Variants in ARID5B observed in about 807,000 individuals in gnomAD.
The protein encoded by ARID5B is AT-rich interactive domain-containing protein 5B.
A neutral mutation model predicts 97.2 loss-of-function variants in ARID5B; 13 were observed. The observed-to-expected ratio is 0.13, with a 90% CI of 0.09 to 0.21. ARID5B has a LOEUF of 0.21. Among genes scored for constraint, ARID5B ranks in the 10% least tolerant of loss-of-function variants. The pLI, the probability that ARID5B is intolerant of heterozygous loss-of-function variation, is 1.00. For missense variants in ARID5B, 1,210 were observed against 1,465.3 expected, an observed-to-expected ratio of 0.83 and a Z score of 2.84; for synonymous variants, 556 against 570.3, an observed-to-expected ratio of 0.97 and a Z score of 0.36.
At chr10:62,004,366 T>C (rs1019712211) in intron 4 of ARID5B, among the ~76,000 whole-genome samples, 5 of 152,364 alleles carry the variant, frequency 3.3e-5, no homozygotes, top group African/African-American at 1.2e-4. Context: ...TGCTCTTTTC[T>C]TAGCACAAGA....
At chr10:62,077,248 A>T (rs898158705) in intron 8 of ARID5B, among the ~76,000 whole-genome samples, 4 of 152,236 alleles carry the variant, frequency 2.6e-5, no homozygotes, top group African/African-American at 9.6e-5. Context: ...AAATGCTCTG[A>T]TAACTTTCCA....
At chr10:62,007,181 C>A (rs374506842) in intron 4 of ARID5B, among the ~76,000 whole-genome samples, 1 of 152,124 alleles carries the variant, frequency 6.6e-6, no homozygotes, top group Admixed American at 6.5e-5. Flanking sequence ...AGTCTATGTT[C>A]GCTTGACTTA....
chr10:61,917,326 A>C (rs1843928138), intron 2 of ARID5B, among the ~76,000 whole-genome samples: 1 of 151,916 alleles, frequency 6.6e-6, no homozygotes, highest in Non-Finnish European at 1.5e-5. Flanking sequence ...CATTCTATTT[A>C]TTTATTTATT....
chr10:61,955,510 T>C (rs372956279), intron 3 of ARID5B, among the ~76,000 whole-genome samples: 1 of 152,308 alleles, frequency 6.6e-6, no homozygotes, highest in African/African-American at 2.4e-5. Flanking sequence ...CACACATGCA[T>C]TTAGGATAAT....
At chr10:61,907,204 A>G (rs1843721913) in intron 2 of ARID5B, among the ~76,000 whole-genome samples, 2 of 151,622 alleles carry the variant, frequency 1.3e-5, no homozygotes, top group African/African-American at 4.8e-5. Context: ...ATTTTAGTGC[A>G]GAAGTAAACT....
intron 3 of ARID5B, among the ~76,000 whole-genome samples, chr10:61,976,472 C>T (rs79872566): frequency 0.011 from 1,710 of 152,212 alleles, 17 homozygotes; most frequent in Non-Finnish European, 0.018. Context: ...TAATGAAGCA[C>T]AATGCCAAGG....
intron 2 of ARID5B, among the ~76,000 whole-genome samples, chr10:61,928,010 G>A (rs1844137271): frequency 6.6e-6 from 1 of 152,134 alleles, no homozygotes; most frequent in African/African-American, 2.4e-5. Flanking sequence ...GGTGCTGGGA[G>A]CGGGAGGAAG....
rs1039531641 is a variant in ARID5B, at chr10:62,095,727, G to A, written c.*2697G>A. ...ATTGAATTCTTCATTGGCTGAGAAC[G>A]ACGTTTTAAAATGTCTTAAATAAGG... On this transcript the variant is annotated 3_prime_UTR_variant, in exon 10 of 10. Transcript: ENST00000279873. 11 of 232,008 alleles carry A rather than the reference G, an allele frequency of 4.7e-5. No homozygotes were observed. Among genetic ancestry groups the A allele is most frequent in the Admixed American group, 3.9e-4 (7 of 17,722 alleles). The allele number at this position is 232,008 out of a possible 1,614,324, so 14.4% of individuals were successfully genotyped here.
At chr10:61,971,586 A>G (rs1049497199) in intron 3 of ARID5B, among the ~76,000 whole-genome samples, 1 of 152,242 alleles carries the variant, frequency 6.6e-6, no homozygotes, top group Admixed American at 6.5e-5. Context: ...GATACATGAC[A>G]TTTTGCATTT....
chr10:62,007,929 C>T (rs1468541184), intron 4 of ARID5B, among the ~76,000 whole-genome samples: 1 of 152,060 alleles, frequency 6.6e-6, no homozygotes, highest in Non-Finnish European at 1.5e-5. Flanking sequence ...TTCCACAAGC[C>T]CAGCTCTATC....
At chr10:61,910,130 C>G (rs370072016) in intron 2 of ARID5B, among the ~76,000 whole-genome samples, 1 of 152,160 alleles carries the variant, frequency 6.6e-6, no homozygotes, top group Non-Finnish European at 1.5e-5. Flanking sequence ...TAAAACCTCT[C>G]GACAATTAGA....
chr10:61,993,425 A>G (rs1345714935), intron 3 of ARID5B, among the ~76,000 whole-genome samples: 1 of 152,228 alleles, frequency 6.6e-6, no homozygotes, highest in Non-Finnish European at 1.5e-5. Flanking sequence ...GTCTTTCTGT[A>G]TAATGTCCTG....
At chr10:62,014,117 C>A (rs1032436328) in intron 4 of ARID5B, among the ~76,000 whole-genome samples, 2 of 152,072 alleles carry the variant, frequency 1.3e-5, no homozygotes, top group Admixed American at 1.3e-4. Context: ...TGGCTATATA[C>A]CCAATAGTGG....
intron 3 of ARID5B, among the ~76,000 whole-genome samples, chr10:61,950,645 G>A (rs1032954843): frequency 2.6e-5 from 4 of 152,286 alleles, no homozygotes; most frequent in Non-Finnish European, 5.9e-5. Flanking sequence ...ACTCCAGCCT[G>A]GGCAACCCAC....
intron 3 of ARID5B, among the ~76,000 whole-genome samples, chr10:61,982,290 C>T (rs575669829): frequency 6.6e-6 from 1 of 152,284 alleles, no homozygotes; most frequent in East Asian, 1.9e-4. Context: ...AAAAGTCAGA[C>T]ACCCCAGAAC....
chr10:62,007,103 A>T (rs1274969683), intron 4 of ARID5B, among the ~76,000 whole-genome samples: 1 of 152,184 alleles, frequency 6.6e-6, no homozygotes, highest in Non-Finnish European at 1.5e-5. Context: ...GGAAAGAACC[A>T]GGTCATTGAA....
Position 62,051,004 on chromosome 10 carries a change from C to T in ARID5B, c.846+4C>T, listed in dbSNP as rs374858461. The T allele has an allele frequency of 2.0e-4, 320 of 1,602,858 alleles. No individual in the cohort carries two copies. Among genetic ancestry groups the T allele is most frequent in the Non-Finnish European group, 2.5e-4 (288 of 1,169,862 alleles). On this transcript the variant is annotated splice_donor_region_variant and intron_variant, in intron 5 of 9. Coordinates refer to ENST00000279873, the MANE Select transcript of ARID5B (RefSeq NM_032199.3). Reference sequence around the variant, plus strand: ...CGATGGCAAAGCCGTTGCCAAGGTACGGTCATTCACTCCACGGTATTCATT... The same window carrying T: ...CGATGGCAAAGCCGTTGCCAAGGTATGGTCATTCACTCCACGGTATTCATT...
In ARID5B at chr10:62,069,780, C is replaced by T. The variant is rs76296217; in HGVS notation, c.1182C>T (p.Thr394=). The T allele has an allele frequency of 0.068, 110,318 of 1,613,680 alleles. 4,489 individuals are homozygous for T. The highest frequency in any genetic ancestry group is 0.082 in the Non-Finnish European group (96,818 of 1,179,596). Residue 394 remains threonine, a synonymous_variant, in exon 8 of 10, where the codon ACC becomes ACT. Transcript: ENST00000279873. ...GGAGCACCAGCGCTGCCACTTGTAC[C>T]CGCAGACATTATGAAAGGTAAGAAA... is the stretch of plus-strand genomic sequence containing the variant. ...NPGSTSAATC[T]RRHYERLILP... is the part of the protein sequence containing the mutation.
chr10:62,075,506 G>T (rs370745659), intron 8 of ARID5B, among the ~76,000 whole-genome samples: 1 of 152,190 alleles, frequency 6.6e-6, no homozygotes, highest in East Asian at 1.9e-4. Flanking sequence ...ACACTCTTCC[G>T]TGTGCTGAGC....
Sources: allele counts gnomAD v4.1 joint callset (sites outside exome capture counted in the v4.1 genomes callset), GRCh38; gene constraint gnomAD v4.1.1; transcripts MANE v1.5; gene names NCBI Gene and HGNC (gene_info 2026-07-23, HGNC 2026-07-21).